LY75: variants seen among roughly 807,000 people sequenced by gnomAD.
LY75 encodes the protein lymphocyte antigen 75.
LY75 carries 185 observed loss-of-function variants against 231.7 expected under a neutral mutation model. The observed-to-expected ratio is 0.80, with a 90% confidence interval of 0.71 to 0.90. The LOEUF is 0.90. Ranked by LOEUF, LY75 falls within the 40% of genes least tolerant of loss-of-function variation. The pLI is 0.00. For synonymous variants in LY75, 668 were observed against 689.0 expected, an observed-to-expected ratio of 0.97 and a Z score of 0.48; for missense variants, 1,947 against 2,050.2, an observed-to-expected ratio of 0.95 and a Z score of 0.97.
At chr2:159,814,368 G>A (rs1683054183) in intron 31 of LY75, among the ~76,000 whole-genome samples, 1 of 152,084 alleles carries the variant, frequency 6.6e-6, no homozygotes, top group Non-Finnish European at 1.5e-5. Flanking sequence ...AGAACCTTTG[G>A]CCAGGCGTAG....
At chr2:159,825,867 A>T (rs190909440) in intron 28 of LY75, among the ~76,000 whole-genome samples, 1 of 152,368 alleles carries the variant, frequency 6.6e-6, no homozygotes, top group Admixed American at 6.5e-5. Flanking sequence ...TTACATGATT[A>T]TCTCAATAGT....
At chr2:159,861,738 C>A (rs1231546073) in intron 14 of LY75, among the ~76,000 whole-genome samples, 2 of 152,084 alleles carry the variant, frequency 1.3e-5, no homozygotes, top group Non-Finnish European at 2.9e-5. Flanking sequence ...ACTCTGTCAT[C>A]CCCACCTAGT....
In LY75 at chr2:159,813,066, A is replaced by AG. The variant is rs1284630443; in HGVS notation, c.4549+2338_4549+2339insC. On this transcript the variant is annotated intron_variant, in intron 31 of 34. Transcript: ENST00000263636. The stretch of plus-strand genomic sequence containing the variant: ...AGGCTTCTTATCCATTCGTCCATCC[A>AG]TGGACACTTGGGTTGCTTTCATCTT... Among the ~76,000 whole-genome samples, 8 of 152,274 alleles carry AG rather than the reference A, an allele frequency of 5.3e-5. No individual in the cohort carries two copies. The East Asian group carries it at 1.5e-3, about 29-fold the overall frequency.
chr2:159,810,238 T>C (rs1045757153), intron 32 of LY75, among the ~76,000 whole-genome samples: 4 of 151,760 alleles, frequency 2.6e-5, no homozygotes, highest in African/African-American at 4.8e-5. Flanking sequence ...TTCACCATGT[T>C]GGCCAGGATG....
At chr2:159,808,151 T>G in intron 33 of LY75, 19 of 983,840 alleles carry the variant, frequency 1.9e-5, no homozygotes, top group Non-Finnish European at 2.3e-5. Context: ...ACACAGACAT[T>G]CCTGTGGAGA....
intron 31 of LY75, among the ~76,000 whole-genome samples, chr2:159,812,988 G>C (rs990381378): frequency 1.1e-4 from 16 of 152,146 alleles, no homozygotes; most frequent in Admixed American, 2.6e-4. Context: ...TTAGCATACT[G>C]TCTTCAGGGT....
intron 27 of LY75, among the ~76,000 whole-genome samples, chr2:159,831,995 G>T (rs898938609): frequency 4.6e-5 from 7 of 152,072 alleles, no homozygotes; most frequent in African/African-American, 1.7e-4. Flanking sequence ...GTTAAATTTG[G>T]TCTTATGGTA....
intron 15 of LY75, among the ~76,000 whole-genome samples, chr2:159,859,313 G>A (rs1684629549): frequency 1.3e-5 from 2 of 152,134 alleles, no homozygotes; most frequent in African/African-American, 2.4e-5. Context: ...CTTTCCTGTG[G>A]TTTTGTCAGT....
chr2:159,888,416 T>C (rs953865799), intron 4 of LY75, among the ~76,000 whole-genome samples: 1 of 152,336 alleles, frequency 6.6e-6, no homozygotes, highest in African/African-American at 2.4e-5. Flanking sequence ...CAATTCTATA[T>C]GTTGATATTC....
chr2:159,874,848 A>C lies in LY75; in HGVS notation c.1974+596T>G, dbSNP rs1490546410. On this transcript the variant is annotated intron_variant, in intron 12 of 34. Transcript: ENST00000263636. The stretch of plus-strand genomic sequence containing the variant: ...TATATATATTTTGTAAATATATGTA[A>C]ATATATATATATTTTGTAAATATAT... Among the ~76,000 whole-genome samples the C allele has an allele frequency of 2.5e-5, 2 of 80,112 alleles. 1 individual carries two copies. The highest frequency in any genetic ancestry group is 5.4e-5 in the Non-Finnish European group (2 of 36,754). The allele number at this position is 80,112 out of a possible 152,430, so 52.6% of individuals were successfully genotyped here.
chr2:159,870,637 C>A (rs1217109620), intron 13 of LY75, among the ~76,000 whole-genome samples: 2 of 151,676 alleles, frequency 1.3e-5, no homozygotes, highest in African/African-American at 4.8e-5. Context: ...CCTGAGTAAC[C>A]AGGACTACAG....
chr2:159,878,503 G>A lies in LY75; in HGVS notation c.1605-10C>T, dbSNP rs764529150. ...GTATTCTTGCTCAAATCTACAAAAG[G>A]AGAATCAAATTGGCAAGTGTTTCAC... On this transcript the variant is annotated splice_polypyrimidine_tract_variant and intron_variant, in intron 10 of 34. Transcript: ENST00000263636. The A allele has an allele frequency of 2.2e-5, 35 of 1,613,424 alleles. No homozygotes were observed. The Middle Eastern group carries it at 5.0e-4, about 23-fold the overall frequency.
intron 24 of LY75, 31 bp from the exon 25 acceptor site, chr2:159,840,986 A>T: frequency 6.2e-7 from 1 of 1,607,734 alleles, no homozygotes; most frequent in Non-Finnish European, 8.5e-7. Flanking sequence ...CAACAACAAC[A>T]AACCCTTCCC....
chr2:159,847,139 A>G (rs1009847665), intron 23 of LY75, among the ~76,000 whole-genome samples: 3 of 151,956 alleles, frequency 2.0e-5, no homozygotes, highest in Admixed American at 6.6e-5. Context: ...AGCCTCCTGA[A>G]TAGCTGGGAG....
intron 32 of LY75, 31 bp from the exon 33 acceptor site, chr2:159,808,602 T>A (rs745547821): frequency 7.5e-6 from 12 of 1,609,798 alleles, no homozygotes; most frequent in Non-Finnish European, 1.0e-5. Context: ...CTCAATTAGC[T>A]TTATGGAAAC....
At chr2:159,858,527 T>C (rs1039183211) in intron 15 of LY75, 51 bp from the exon 16 acceptor site, 30 of 1,562,132 alleles carry the variant, frequency 1.9e-5, no homozygotes, top group Non-Finnish European at 2.5e-5. Flanking sequence ...ACATCCCTTA[T>C]GGAACACTAA....
chr2:159,832,244 G>A (rs1437943330), intron 27 of LY75, among the ~76,000 whole-genome samples: 3 of 152,168 alleles, frequency 2.0e-5, no homozygotes, highest in Non-Finnish European at 2.9e-5. Context: ...GTTAGGAACC[G>A]GGCCATACAG....
In LY75 at chr2:159,875,330, C is replaced by A; in HGVS notation, c.1974+114G>T. 3.6e-6 allele frequency: 5 copies of A among 1,388,786 alleles called. No homozygotes were observed. In the South Asian group the frequency reaches 5.9e-5, roughly 16 times the overall value. 86.0% of individuals were successfully genotyped at this position (1,388,786 alleles called of 1,614,324 possible). A position where few individuals can be genotyped will look rare whatever the true frequency, so the allele number is the denominator to read the frequency against. On this transcript the variant is annotated intron_variant, in intron 12 of 34. Transcript: ENST00000263636. ...CTGCCAAGGACTCTGTGCTCCAGAGCACTTTAGTTAGGTTACATAGTACTA... is the reference window on the plus strand; with the variant it reads ...CTGCCAAGGACTCTGTGCTCCAGAGAACTTTAGTTAGGTTACATAGTACTA...
chr2:159,812,400 C>T (rs1682988195), intron 31 of LY75: 1 of 151,098 alleles, frequency 6.6e-6, no homozygotes, highest in Non-Finnish European at 1.5e-5. Context: ...AATTTACCAT[C>T]TTAACCATTT....
Sources: gnomAD v4.1 joint callset for allele counts (sites outside exome capture counted in the v4.1 genomes callset) on GRCh38, gnomAD v4.1.1 for gene constraint, MANE v1.5 for transcripts, NCBI Gene and HGNC (gene_info 2026-07-23, HGNC 2026-07-21) for gene names.